Variants in PCDH15 observed in about 807,000 individuals in gnomAD.
The protein encoded by PCDH15 is protocadherin-15.
Under a neutral mutation model 178.5 loss-of-function variants are expected in PCDH15, and 129 were observed. That is an observed-to-expected ratio of 0.72 (90% CI 0.63 to 0.84). The LOEUF (loss-of-function observed/expected upper bound fraction) is 0.84, where lower values mean the gene tolerates loss of function less well. Ranked by LOEUF, PCDH15 falls within the 40% of genes least tolerant of loss-of-function variation. The probability of loss-of-function intolerance (pLI) is 0.00; values close to 1 mark genes in which losing one functional copy is unlikely to be tolerated. For missense variants in PCDH15, 2,230 were observed against 2,099.9 expected (o/e 1.06, Z -1.21); for synonymous variants, 800 against 732.0 (o/e 1.09, Z -1.50).
At chr10:54,040,420 T>C (rs2093517333) in intron 18 of PCDH15, among the ~76,000 whole-genome samples, 1 of 152,006 alleles carries the variant, frequency 6.6e-6, no homozygotes, top group Non-Finnish European at 1.5e-5. Flanking sequence ...ACGTGCCTTT[T>C]ACTTTCTGCC....
At chr10:55,180,762 C>A (rs554884548) in intron 1 of PCDH15, among the ~76,000 whole-genome samples, 54 of 152,086 alleles carry the variant, frequency 3.6e-4, no homozygotes, top group Non-Finnish European at 7.1e-4. Flanking sequence ...TTGGGGAAAA[C>A]AAAACTCACA....
chr10:55,038,209 G>A (rs917933793), intron 2 of PCDH15, among the ~76,000 whole-genome samples: 2 of 152,050 alleles, frequency 1.3e-5, no homozygotes, highest in Non-Finnish European at 2.9e-5. Flanking sequence ...AAACATTTAT[G>A]CTTATGTGTT....
intron 3 of PCDH15, among the ~76,000 whole-genome samples, chr10:54,523,354 A>G (rs2083072340): frequency 6.6e-6 from 1 of 152,152 alleles, no homozygotes; most frequent in Non-Finnish European, 1.5e-5. Flanking sequence ...GATTATAACA[A>G]TTTCATAAAA....
At chr10:54,746,336 AGGTAGTGGCGATG>A (rs1945455735) in intron 1 of PCDH15, among the ~76,000 whole-genome samples, 1 of 136,942 alleles carries the variant, frequency 7.3e-6, no homozygotes, top group South Asian at 2.6e-4. Flanking sequence ...GGAGGAGAGC[AGGTAGTGGCGATG>A]GTTAATGGGT....
chr10:54,202,538 C>A (rs528514539), intron 10 of PCDH15, among the ~76,000 whole-genome samples: 2 of 151,986 alleles, frequency 1.3e-5, no homozygotes, highest in Non-Finnish European at 2.9e-5. Flanking sequence ...CTGGGCCAGG[C>A]GCAGTGTCTC....
At chr10:55,524,584 A>C (rs1033281484) in intron 2 of PCDH15, among the ~76,000 whole-genome samples, 1 of 151,454 alleles carries the variant, frequency 6.6e-6, no homozygotes, top group Admixed American at 6.6e-5. Context: ...AATTGCATAC[A>C]TATCTTGCAA....
At chr10:55,319,784 A>G (rs1843838685), upstream of PCDH15, among the ~76,000 whole-genome samples, 1 of 152,158 alleles carries the variant, frequency 6.6e-6, no homozygotes. Context: ...CTGCTTAGAC[A>G]GGTGATAGTG....
At chr10:55,197,207 T>C (rs1840116233) in intron 1 of PCDH15, among the ~76,000 whole-genome samples, 1 of 152,074 alleles carries the variant, frequency 6.6e-6, no homozygotes, top group Admixed American at 6.5e-5. Context: ...ATACCAGCAC[T>C]ATTCATTTAT....
rs143012419 is a variant in PCDH15 at position 54,539,109 on chromosome 10, G to T, written c.92-11232C>A. 4.6e-3 allele frequency among the ~76,000 whole-genome samples: 694 copies of T among 152,222 alleles called. 8 individuals are homozygous for T. Among genetic ancestry groups the T allele is most frequent in the African/African-American group, 0.015 (608 of 41,540 alleles). On this transcript the variant is annotated intron_variant, in intron 2 of 37. Coordinates refer to ENST00000644397, the MANE Select transcript of PCDH15 (RefSeq NM_001384140.1). ...TATCTATGATTTCTTTCAGCAGTGT[G>T]CAGTTCTCCTTACAGAGGTCTTTCA...
chr10:54,929,741 G>A (rs1236463507), intron 2 of PCDH15, among the ~76,000 whole-genome samples: 2 of 152,236 alleles, frequency 1.3e-5, no homozygotes, highest in Middle Eastern at 3.4e-3. Flanking sequence ...ATTAGAAAAT[G>A]TGTTGTCAGT....
intron 18 of PCDH15, among the ~76,000 whole-genome samples, chr10:54,041,223 G>T (rs183582114): frequency 6.6e-6 from 1 of 152,202 alleles, no homozygotes; most frequent in Non-Finnish European, 1.5e-5. Flanking sequence ...CACTGAATTT[G>T]CCTCTCAGTA....
intron 3 of PCDH15, among the ~76,000 whole-genome samples, chr10:54,488,168 T>G (rs1261458040): frequency 6.6e-6 from 1 of 151,874 alleles, no homozygotes. Flanking sequence ...CTAACATTAC[T>G]TTCACATATA....
chr10:54,364,209 G>GAAAA (rs34783984), intron 5 of PCDH15, among the ~76,000 whole-genome samples: 2 of 140,658 alleles, frequency 1.4e-5, no homozygotes, highest in African/African-American at 2.6e-5. Context: ...GCAAAACTCT[G>GAAAA]AAAAAAAAAA....
chr10:54,235,973 G>A (rs1301622096), intron 9 of PCDH15, among the ~76,000 whole-genome samples: 1 of 152,148 alleles, frequency 6.6e-6, no homozygotes, highest in Admixed American at 6.5e-5. Flanking sequence ...TTCTAAGAAG[G>A]ATACAGTATG....
chr10:54,886,018 TTC>T (rs1008458629), intron 3 of PCDH15, among the ~76,000 whole-genome samples: 14 of 151,316 alleles, frequency 9.3e-5, no homozygotes, highest in Admixed American at 2.0e-4. Context: ...CTCACTGTTT[TTC>T]TCTCTCTCTC....
intron 23 of PCDH15, among the ~76,000 whole-genome samples, chr10:53,949,304 A>T (rs1246101265): frequency 6.6e-6 from 1 of 152,226 alleles, no homozygotes; most frequent in African/African-American, 2.4e-5. Flanking sequence ...CTTCAGGTAA[A>T]GCCAGCTCTT....
At chr10:54,390,230 T>A (rs1950382102) in intron 3 of PCDH15, among the ~76,000 whole-genome samples, 1 of 152,198 alleles carries the variant, frequency 6.6e-6, no homozygotes, top group South Asian at 2.1e-4. Context: ...TCTTTAGAAT[T>A]CACTCCCATG....
intron 2 of PCDH15, among the ~76,000 whole-genome samples, chr10:55,126,920 G>A (rs945186238): frequency 6.9e-6 from 1 of 145,398 alleles, no homozygotes; most frequent in African/African-American, 2.5e-5. Flanking sequence ...AAAAAAAAAT[G>A]TTTTATTTCT....
intron 2 of PCDH15, among the ~76,000 whole-genome samples, chr10:55,519,350 A>C (rs1361931106): frequency 6.6e-6 from 1 of 151,684 alleles, no homozygotes; most frequent in East Asian, 1.9e-4. Flanking sequence ...ATTCTTGAAA[A>C]GACAAGATTA....
Sources: gnomAD v4.1 joint callset for allele counts (sites outside exome capture counted in the v4.1 genomes callset) on GRCh38, gnomAD v4.1.1 for gene constraint, MANE v1.5 for transcripts, NCBI Gene and HGNC (gene_info 2026-07-23, HGNC 2026-07-21) for gene names.